The following SORCS3 variants were observed in gnomAD, a reference collection of about 807,000 sequenced individuals.
SORCS3 encodes sortilin related VPS10 domain containing receptor 3, also known as VPS10 domain-containing receptor SorCS3.
SORCS3 carries 57 observed loss-of-function variants against 146.3 expected under a neutral mutation model. The ratio of observed to expected loss-of-function variants is 0.39; its 90% confidence interval spans 0.31 to 0.49. The LOEUF (loss-of-function observed/expected upper bound fraction) is 0.49. SORCS3 is among the 20% of genes least tolerant of loss of function. The pLI is 0.92. For missense variants in SORCS3, 1,341 were observed against 1,575.5 expected (o/e 0.85, Z 2.52); for synonymous variants, 653 against 618.5 (o/e 1.06, Z -0.83).
At chr10:104,912,691 A>C (rs2018981284) in intron 2 of SORCS3, among the ~76,000 whole-genome samples, 1 of 152,226 alleles carries the variant, frequency 6.6e-6, no homozygotes, top group African/African-American at 2.4e-5. Context: ...TACTTTCAGC[A>C]GTTGCTTTGT....
At chr10:104,656,767 A>C (rs1477669190) in intron 1 of SORCS3, among the ~76,000 whole-genome samples, 1 of 152,192 alleles carries the variant, frequency 6.6e-6, no homozygotes, top group Non-Finnish European at 1.5e-5. Context: ...TTAAAAAATC[A>C]CTCTGATCAC....
intron 1 of SORCS3, among the ~76,000 whole-genome samples, chr10:104,736,582 A>G (rs765263201): frequency 6.6e-6 from 1 of 152,172 alleles, no homozygotes; most frequent in Admixed American, 6.5e-5. Flanking sequence ...ATCCCCCAAC[A>G]TCTATGGCAT....
intron 1 of SORCS3, among the ~76,000 whole-genome samples, chr10:104,720,298 A>G (rs2016531092): frequency 6.6e-6 from 1 of 152,140 alleles, no homozygotes; most frequent in African/African-American, 2.4e-5. Context: ...CCTACAAAGG[A>G]TGTGACCTCA....
chr10:105,176,980 TAC>T (rs935506490), intron 13 of SORCS3, among the ~76,000 whole-genome samples: 14 of 149,796 alleles, frequency 9.3e-5, no homozygotes, highest in African/African-American at 2.7e-4. Flanking sequence ...TGTGTGTGTA[TAC>T]ACACACACAT....
intron 4 of SORCS3, among the ~76,000 whole-genome samples, chr10:105,001,458 A>T (rs2055060343): frequency 6.6e-6 from 1 of 152,210 alleles, no homozygotes; most frequent in South Asian, 2.1e-4. Flanking sequence ...GAGGGCAGGG[A>T]TTGTGTTGTC....
At chr10:105,246,846 G>C (rs1265082737) in intron 21 of SORCS3, among the ~76,000 whole-genome samples, 1 of 152,194 alleles carries the variant, frequency 6.6e-6, no homozygotes, top group Non-Finnish European at 1.5e-5. Flanking sequence ...AGAAGGAGAA[G>C]TGAAAAGACT....
At chr10:105,196,472 A>T (rs12243779) in intron 14 of SORCS3, among the ~76,000 whole-genome samples, 2 of 151,890 alleles carry the variant, frequency 1.3e-5, no homozygotes, top group Admixed American at 6.6e-5. Flanking sequence ...GAGTGTGGTG[A>T]TGCATGCCTG....
chr10:104,984,980 A>T (rs1308045151), intron 4 of SORCS3, among the ~76,000 whole-genome samples: 1 of 151,964 alleles, frequency 6.6e-6, no homozygotes, highest in Non-Finnish European at 1.5e-5. Context: ...GTTATAGATG[A>T]CTCCTAAGGG....
At chr10:104,882,461 C>T (rs1245752866) in intron 2 of SORCS3, among the ~76,000 whole-genome samples, 2 of 152,126 alleles carry the variant, frequency 1.3e-5, no homozygotes, top group Non-Finnish European at 2.9e-5. Flanking sequence ...CCTTAGAATG[C>T]TTAAGGTTTT....
At chr10:105,009,537 A>C (rs201567376) in intron 4 of SORCS3, among the ~76,000 whole-genome samples, 8 of 148,504 alleles carry the variant, frequency 5.4e-5, no homozygotes, top group South Asian at 2.2e-4. Context: ...CAAAAAAAAA[A>C]AAAAAAAAAA....
intron 4 of SORCS3, among the ~76,000 whole-genome samples, chr10:104,996,332 C>T (rs1002590203): frequency 2.0e-5 from 3 of 152,144 alleles, no homozygotes; most frequent in Admixed American, 2.0e-4. Context: ...GATTTGTGAA[C>T]ACAGCCATCT....
At chr10:104,751,416 C>T (rs12572785) in intron 1 of SORCS3, among the ~76,000 whole-genome samples, 2 of 152,082 alleles carry the variant, frequency 1.3e-5, no homozygotes, top group Non-Finnish European at 2.9e-5. Flanking sequence ...AGGATTCTGA[C>T]CATCCTGCAA....
At chr10:104,762,155 C>T (rs2017128454) in intron 1 of SORCS3, among the ~76,000 whole-genome samples, 1 of 152,188 alleles carries the variant, frequency 6.6e-6, no homozygotes. Context: ...TGGTCCATCT[C>T]TGGCCCCACC....
chr10:105,185,420 C>T (rs1219019735), intron 14 of SORCS3, among the ~76,000 whole-genome samples: 1 of 152,142 alleles, frequency 6.6e-6, no homozygotes, highest in Non-Finnish European at 1.5e-5. Flanking sequence ...CCACTTCGGA[C>T]AGGGTATGCT....
intron 1 of SORCS3, among the ~76,000 whole-genome samples, chr10:104,716,730 G>A (rs543215507): frequency 6.6e-6 from 1 of 152,256 alleles, no homozygotes; most frequent in African/African-American, 2.4e-5. Flanking sequence ...GGTTGTCTGC[G>A]GAATGTTTTG....
chr10:105,117,676 C>A (rs1027995637), intron 7 of SORCS3, among the ~76,000 whole-genome samples: 2 of 152,166 alleles, frequency 1.3e-5, no homozygotes, highest in Admixed American at 1.3e-4. Context: ...CATTCACAAT[C>A]AAATTTTTTG....
In SORCS3 at chr10:104,916,723, C is replaced by A. The variant is rs375126113; in HGVS notation, c.795+791C>A. Among the ~76,000 whole-genome samples, 4 of 152,150 alleles carry A rather than the reference C, an allele frequency of 2.6e-5. No individual in the cohort carries two copies. The South Asian group carries it at 6.2e-4, about 24-fold the overall frequency. ...GCAGACATGATTCAAATACATGCAC[C>A]AAAATGACCATATTAAAGGTCATTT... On this transcript the variant is annotated intron_variant, in intron 3 of 26. Coordinates refer to ENST00000369701, the MANE Select transcript of SORCS3 (RefSeq NM_014978.3).
intron 6 of SORCS3, among the ~76,000 whole-genome samples, chr10:105,094,495 C>A (rs2055732184): frequency 1.3e-5 from 2 of 151,974 alleles, no homozygotes; most frequent in Non-Finnish European, 2.9e-5. Context: ...ATGCTTTTAC[C>A]CAATCAACAT....
rs561106330 is a variant in SORCS3 at position 105,149,177 on chromosome 10, G to A, written c.1482+1381G>A. On this transcript the variant is annotated intron_variant, in intron 9 of 26. Transcript: ENST00000369701. ...AATCACCCAGTCTCATAGTATCTTT[G>A]TAGCAGTGTGAGAATGGACTAATAC... Among the ~76,000 whole-genome samples, 43 of 152,284 alleles carry A rather than the reference G, an allele frequency of 2.8e-4. 1 individual carries two copies. The South Asian group carries it at 7.7e-3, about 27-fold the overall frequency.
Sources: allele counts gnomAD v4.1 joint callset (sites outside exome capture counted in the v4.1 genomes callset), GRCh38; gene constraint gnomAD v4.1.1; transcripts MANE v1.5; gene names NCBI Gene and HGNC (gene_info 2026-07-23, HGNC 2026-07-21).